VPS53: variants seen among roughly 807,000 people sequenced by gnomAD.
The protein encoded by VPS53 is VPS53 subunit of GARP complex, also known as vacuolar protein sorting-associated protein 53 homolog.
In VPS53, 70 loss-of-function variants were observed where a neutral mutation model predicts 107.0. That is an observed-to-expected ratio of 0.65 (90% confidence interval 0.54 to 0.80). The LOEUF (loss-of-function observed/expected upper bound fraction) is 0.80, where lower values mean the gene tolerates loss of function less well. Among genes scored for constraint, VPS53 ranks in the 30% least tolerant of loss-of-function variants. The pLI, the probability that VPS53 is intolerant of heterozygous loss-of-function variation, is 0.00. For synonymous variants in VPS53, 409 were observed against 393.3 expected (o/e 1.04, Z -0.47); for missense variants, 917 against 1,049.4 (o/e 0.87, Z 1.74).
At chr17:611,985 T>G (rs550992727) in intron 11 of VPS53, among the ~76,000 whole-genome samples, 2 of 151,592 alleles carry the variant, frequency 1.3e-5, no homozygotes, top group Non-Finnish European at 2.9e-5. Flanking sequence ...TGTACAGATA[T>G]TCACAGCAGT....
rs188744167 is a variant in VPS53, at chr17:517,230, C to G, written c.*1898G>C. The G allele has an allele frequency of 1.3e-4, 50 of 385,346 alleles. No homozygotes were observed. Among genetic ancestry groups the G allele is most frequent in the African/African-American group, 1.0e-3 (50 of 48,494 alleles). The allele number at this position is 385,346 out of a possible 1,614,324, so 23.9% of individuals were successfully genotyped here. ...TAGACCTCAACTGAAGGCCGCATCT[C>G]CTTCTCGCAACACTTCTTTTCTCCT... On this transcript the variant is annotated 3_prime_UTR_variant, in exon 22 of 22. Coordinates refer to ENST00000437048, the MANE Select transcript of VPS53 (RefSeq NM_001128159.3).
At chr17:637,936 T>C (rs1336198590) in intron 7 of VPS53, among the ~76,000 whole-genome samples, 4 of 152,166 alleles carry the variant, frequency 2.6e-5, no homozygotes, top group Middle Eastern at 3.2e-3. Context: ...ATTAGGTCCG[T>C]TTGGTGCACA....
rs146537356 is a variant in VPS53 at position 547,691 on chromosome 17, G to T, written c.1866+4181C>A. ...CTCACTCTGTCACCCAGGCTGGAGT[G>T]CAGTGCTGCAATCTTGGCTCACTAC... On this transcript the variant is annotated intron_variant, in intron 17 of 21. Coordinates refer to ENST00000437048, the MANE Select transcript of VPS53 (RefSeq NM_001128159.3). Among the ~76,000 whole-genome samples the T allele has an allele frequency of 3.6e-3, 545 of 152,284 alleles. 12 individuals are homozygous for T. In the East Asian group the frequency reaches 0.061, roughly 17 times the overall value.
chr17:637,384 A>AT (rs1212801119), intron 7 of VPS53, among the ~76,000 whole-genome samples: 1 of 151,874 alleles, frequency 6.6e-6, no homozygotes. Flanking sequence ...GGATTCATTG[A>AT]TTTTTTTGAA....
chr17:532,925 A>T lies in VPS53; in HGVS notation c.2016-14T>A. On this transcript the variant is annotated splice_polypyrimidine_tract_variant and intron_variant, in intron 18 of 21. Coordinates refer to ENST00000437048, the MANE Select transcript of VPS53 (RefSeq NM_001128159.3). ...GGAATGAAGGAGCTGTGGATAAAAAAGAAGTGACAAATTAGGCTTATTCTC... is the reference window on the plus strand; with the variant it reads ...GGAATGAAGGAGCTGTGGATAAAAATGAAGTGACAAATTAGGCTTATTCTC... 3 of 1,612,380 alleles carry T rather than the reference A, an allele frequency of 1.9e-6. No homozygotes were observed. Among genetic ancestry groups the T allele is most frequent in the Non-Finnish European group, 2.5e-6 (3 of 1,179,134 alleles).
At chr17:639,387 T>C (rs559174159) in intron 7 of VPS53, among the ~76,000 whole-genome samples, 33 of 152,326 alleles carry the variant, frequency 2.2e-4, no homozygotes, top group African/African-American at 7.7e-4. Context: ...TCAGAGAAGT[T>C]TGATCGTCTG....
intron 2 of VPS53, among the ~76,000 whole-genome samples, chr17:700,137 GAA>G (rs1008825069): frequency 3.3e-5 from 5 of 152,180 alleles, no homozygotes; most frequent in African/African-American, 9.6e-5. Context: ...AGATCCACTA[GAA>G]AAAAGTCTGG....
chr17:677,363 T>C (rs1449196883), intron 4 of VPS53, among the ~76,000 whole-genome samples: 1 of 152,222 alleles, frequency 6.6e-6, no homozygotes, highest in African/African-American at 2.4e-5. Context: ...TCAAATATTG[T>C]AGAATTCCAC....
chr17:537,271 A>G, intron 17 of VPS53, 95 bp from the exon 18 acceptor site: 1 of 1,407,914 alleles, frequency 7.1e-7, no homozygotes, highest in Non-Finnish European at 9.7e-7. Flanking sequence ...AAGTCAGGTC[A>G]CAGCTTTGGT....
At position 628,948 on chromosome 17, in the gene VPS53, T is replaced by C. The variant is rs75791133; in HGVS notation, c.688-717A>G. On this transcript the variant is annotated intron_variant, in intron 8 of 21. Coordinates refer to ENST00000437048, the MANE Select transcript of VPS53 (RefSeq NM_001128159.3). ...AGTTTTGCTGAGACTTTCTTTACAG[T>C]ACGTCACTGAGTGAACATGACTGGC... 1.8e-3 allele frequency among the ~76,000 whole-genome samples: 281 copies of C among 152,316 alleles called. 5 individuals carry two copies. In the East Asian group the frequency reaches 0.048, roughly 26 times the overall value.
intron 7 of VPS53, among the ~76,000 whole-genome samples, chr17:634,187 G>C (rs1222900904): frequency 6.6e-6 from 1 of 151,224 alleles, no homozygotes; most frequent in East Asian, 1.9e-4. Flanking sequence ...TGAGGTGGCA[G>C]AAAGGAGAGC....
At chr17:694,554 A>G (rs1163165920) in intron 4 of VPS53, among the ~76,000 whole-genome samples, 1 of 152,244 alleles carries the variant, frequency 6.6e-6, no homozygotes, top group Non-Finnish European at 1.5e-5. Flanking sequence ...TTCCAAATGT[A>G]GGCTGAATCA....
rs1271500698 is a variant in VPS53 at position 513,350 on chromosome 17, A to G, written c.*5778T>C. ...CAATCCCTTTATTTTAAGGAAATTT[A>G]TATCTCCCAAAGGTGTAGAACTTCG... On this transcript the variant is annotated 3_prime_UTR_variant, in exon 22 of 22. Coordinates refer to ENST00000437048, the MANE Select transcript of VPS53 (RefSeq NM_001128159.3). 2.0e-5 allele frequency: 3 copies of G among 152,202 alleles called. No individual in the cohort carries two copies. The highest frequency in any genetic ancestry group is 6.5e-5 in the Admixed American group (1 of 15,278). The allele number at this position is 152,202 out of a possible 1,614,324, so 9.4% of individuals were successfully genotyped here.
At chr17:617,128 C>A (rs546346154) in intron 11 of VPS53, among the ~76,000 whole-genome samples, 2 of 152,174 alleles carry the variant, frequency 1.3e-5, no homozygotes, top group Non-Finnish European at 2.9e-5. Context: ...TGATGCTCTC[C>A]GGACCCTGCC....
At chr17:660,714 G>C (rs1971405837) in intron 5 of VPS53, among the ~76,000 whole-genome samples, 1 of 151,202 alleles carries the variant, frequency 6.6e-6, no homozygotes, top group South Asian at 2.1e-4. Context: ...GGTGCTGCTG[G>C]GTGTGGTGCA....
At chr17:567,889 A>G (rs541985945) in intron 13 of VPS53, among the ~76,000 whole-genome samples, 1 of 125,816 alleles carries the variant, frequency 7.9e-6, no homozygotes, top group African/African-American at 3.0e-5. Context: ...ACATTGTCGA[A>G]GGGGAGGGGA....
chr17:612,262 A>C (rs1968920653), intron 11 of VPS53, among the ~76,000 whole-genome samples: 1 of 125,984 alleles, frequency 7.9e-6, no homozygotes. Context: ...AAATATTCAC[A>C]TAGTGAGTTC....
intron 4 of VPS53, among the ~76,000 whole-genome samples, chr17:690,854 G>T (rs1434183413): frequency 6.6e-6 from 1 of 152,172 alleles, no homozygotes; most frequent in Non-Finnish European, 1.5e-5. Flanking sequence ...AAGAGTCACA[G>T]ACTCCTTAGA....
At chr17:581,614 G>A (rs994727721) in intron 13 of VPS53, among the ~76,000 whole-genome samples, 8 of 150,684 alleles carry the variant, frequency 5.3e-5, no homozygotes, top group Middle Eastern at 3.5e-3. Flanking sequence ...AACCTAATGC[G>A]TTCCCAGAGA....
Sources: gnomAD v4.1 joint callset for allele counts (sites outside exome capture counted in the v4.1 genomes callset) on GRCh38, gnomAD v4.1.1 for gene constraint, MANE v1.5 for transcripts, NCBI Gene and HGNC (gene_info 2026-07-23, HGNC 2026-07-21) for gene names.